Variants in VDAC1 observed in about 807,000 individuals in gnomAD.
The protein encoded by VDAC1 is non-selective voltage-gated ion channel VDAC1.
VDAC1 carries 10 observed loss-of-function variants against 34.7 expected under a neutral mutation model. That is an observed-to-expected ratio of 0.29 (90% confidence interval 0.18 to 0.49). VDAC1 has a LOEUF of 0.49. VDAC1 is among the 20% of genes least tolerant of loss of function. VDAC1 has a pLI of 0.99. For missense variants in VDAC1, 230 were observed against 347.9 expected, an observed-to-expected ratio of 0.66 and a Z score of 2.69; for synonymous variants, 130 against 136.0, an observed-to-expected ratio of 0.96 and a Z score of 0.30.
the VDAC1 span, among the ~76,000 whole-genome samples, chr5:134,036,654 T>A: frequency 3.7e-5 from 1 of 27,038 alleles, no homozygotes; most frequent in African/African-American, 9.4e-5. Flanking sequence ...AGACACTGTC[T>A]TTTTTAAAAA....
chr5:134,100,331 GC>G, the VDAC1 span, among the ~76,000 whole-genome samples: 2 of 152,216 alleles, frequency 1.3e-5, no homozygotes, highest in Non-Finnish European at 2.9e-5. Context: ...CAGGCATTAA[GC>G]TTTGAGAGTA....
intron 1 of VDAC1, among the ~76,000 whole-genome samples, chr5:133,999,065 C>G (rs936308191): frequency 6.6e-6 from 1 of 152,094 alleles, no homozygotes; most frequent in African/African-American, 2.4e-5. Flanking sequence ...AATCCCAGCA[C>G]TTTGGGAGGC....
the VDAC1 span, among the ~76,000 whole-genome samples, chr5:134,046,323 C>T: frequency 2.6e-5 from 4 of 151,792 alleles, no homozygotes; most frequent in African/African-American, 9.7e-5. Flanking sequence ...CCACCATGCC[C>T]AGCCTTTTCA....
intron 1 of VDAC1, among the ~76,000 whole-genome samples, chr5:133,998,072 C>CA (rs200915111): frequency 0.31 from 30,672 of 99,662 alleles, 3,425 homozygotes; most frequent in East Asian, 0.5. Context: ...CGTCTCGAAA[C>CA]AAAAAAAAAA....
chr5:134,003,550 C>T (rs956163171), intron 1 of VDAC1, among the ~76,000 whole-genome samples: 1 of 152,310 alleles, frequency 6.6e-6, no homozygotes, highest in Non-Finnish European at 1.5e-5. Context: ...TATACAAATG[C>T]TTGTCAATAA....
the VDAC1 span, among the ~76,000 whole-genome samples, chr5:134,099,826 T>G: frequency 5.9e-5 from 9 of 152,326 alleles, no homozygotes; most frequent in South Asian, 1.7e-3. Flanking sequence ...CAAGTAATCC[T>G]CCAGTCTCGG....
chr5:134,051,218 C>T, the VDAC1 span, among the ~76,000 whole-genome samples: 1 of 152,202 alleles, frequency 6.6e-6, no homozygotes, highest in Admixed American at 6.5e-5. Flanking sequence ...GGGCCAGGCC[C>T]TAACTCCAAC....
the VDAC1 span, among the ~76,000 whole-genome samples, chr5:134,052,615 C>G: frequency 1.3e-5 from 2 of 152,096 alleles, no homozygotes; most frequent in Non-Finnish European, 2.9e-5. Flanking sequence ...GCATGCTTTT[C>G]TCTTGTTAAG....
chr5:134,022,815 C>T, the VDAC1 span, among the ~76,000 whole-genome samples: 1 of 152,130 alleles, frequency 6.6e-6, no homozygotes, highest in African/African-American at 2.4e-5. Flanking sequence ...ATTAAAAAGT[C>T]AAGAAACAAC....
chr5:134,055,190 C>A, the VDAC1 span, among the ~76,000 whole-genome samples: 1 of 152,104 alleles, frequency 6.6e-6, no homozygotes, highest in Non-Finnish European at 1.5e-5. Flanking sequence ...CAGGTGGCCC[C>A]CAGGAAGCCA....
At chr5:134,040,392 T>C in the VDAC1 span, among the ~76,000 whole-genome samples, 1 of 152,124 alleles carries the variant, frequency 6.6e-6, no homozygotes, top group Non-Finnish European at 1.5e-5. Flanking sequence ...CTGGCCAACA[T>C]AGTGAAATCC....
the VDAC1 span, among the ~76,000 whole-genome samples, chr5:134,056,929 C>G: frequency 6.6e-6 from 1 of 151,792 alleles, no homozygotes; most frequent in East Asian, 2.0e-4. Flanking sequence ...GATCCGCTCC[C>G]CCCTCTCCAC....
At chr5:133,972,993 C>G in intron 8 of VDAC1, 131 bp from the exon 9 acceptor site, 1 of 695,342 alleles carries the variant, frequency 1.4e-6, no homozygotes, top group Non-Finnish European at 2.5e-6. Flanking sequence ...GCCCTTCAAT[C>G]CTTGTTACTT....
chr5:134,104,404 A>C, the VDAC1 span, among the ~76,000 whole-genome samples: 1 of 152,178 alleles, frequency 6.6e-6, no homozygotes, highest in African/African-American at 2.4e-5. Flanking sequence ...TGGCTGGATC[A>C]CTGCACAAAG....
intron 3 of VDAC1, among the ~76,000 whole-genome samples, chr5:133,991,644 A>C (rs974512674): frequency 6.6e-5 from 10 of 152,136 alleles, no homozygotes; most frequent in Admixed American, 1.3e-4. Context: ...ATTCTCCTCT[A>C]TTACCCGCTG....
At chr5:134,033,213 A>C in the VDAC1 span, among the ~76,000 whole-genome samples, 1 of 145,242 alleles carries the variant, frequency 6.9e-6, no homozygotes, top group Non-Finnish European at 1.5e-5. Context: ...GCTGGAGTGC[A>C]ATGGCGTGAT....
the VDAC1 span, among the ~76,000 whole-genome samples, chr5:134,036,919 C>T: frequency 7.2e-5 from 11 of 151,766 alleles, no homozygotes; most frequent in Non-Finnish European, 1.5e-4. Context: ...CGCCACTGCA[C>T]TCTAGCCTGG....
At chr5:134,055,726 C>T in the VDAC1 span, among the ~76,000 whole-genome samples, 13 of 136,094 alleles carry the variant, frequency 9.6e-5, no homozygotes, top group Non-Finnish European at 1.6e-4. Context: ...CCGCGCCCGG[C>T]TGCTTATTTT....
At position 133,992,303 on chromosome 5, in the gene VDAC1, T is replaced by C; in HGVS notation, c.117+3A>G. 6.3e-7 allele frequency: 1 copy of C among 1,576,322 alleles called. No homozygotes were observed. The highest frequency in any genetic ancestry group is 8.6e-7 in the Non-Finnish European group (1 of 1,163,052). On this transcript the variant is annotated splice_donor_region_variant and intron_variant, in intron 3 of 8. Transcript: ENST00000265333. The stretch of plus-strand genomic sequence containing the variant: ...CATGTTCCATGTGGGTTGGACAACT[T>C]ACCAATCCATTCTCAGATTTTGTTT...
Sources: gnomAD v4.1 joint callset for allele counts (sites outside exome capture counted in the v4.1 genomes callset) on GRCh38, gnomAD v4.1.1 for gene constraint, MANE v1.5 for transcripts, NCBI Gene and HGNC (gene_info 2026-07-23, HGNC 2026-07-21) for gene names.